DSCAML1: variants seen among roughly 807,000 people sequenced by gnomAD.
The protein encoded by DSCAML1 is DS cell adhesion molecule like 1, also known as cell adhesion molecule DSCAML1.
In DSCAML1, 38 loss-of-function variants were observed where a neutral mutation model predicts 200.5. That is an observed-to-expected ratio of 0.19 (90% CI 0.15 to 0.25). The LOEUF (loss-of-function observed/expected upper bound fraction) is 0.25. Ranked by LOEUF, DSCAML1 falls within the 10% of genes least tolerant of loss-of-function variation. DSCAML1 has a pLI of 1.00. For missense variants in DSCAML1, 2,223 were observed against 2,858.8 expected, an observed-to-expected ratio of 0.78 and a Z score of 5.07; for synonymous variants, 1,215 against 1,165.0, an observed-to-expected ratio of 1.04 and a Z score of -0.87.
At chr11:117,461,319 TGGA>T (rs1328284767) in intron 18 of DSCAML1, 128 bp downstream of exon 18, 2 of 1,318,662 alleles carry the variant, frequency 1.5e-6, no homozygotes, top group African/African-American at 2.9e-5. Flanking sequence ...TCTCCCCGTG[TGGA>T]GAAGAGGGGG....
At chr11:117,475,622 A>T (rs80343155) in intron 14 of DSCAML1, among the ~76,000 whole-genome samples, 2 of 152,094 alleles carry the variant, frequency 1.3e-5, no homozygotes, top group African/African-American at 2.4e-5. Context: ...GGGCACTTAA[A>T]ATGTGCTGTT....
chr11:117,733,121 G>C (rs2054253884), intron 3 of DSCAML1, among the ~76,000 whole-genome samples: 1 of 141,146 alleles, frequency 7.1e-6, no homozygotes, highest in Admixed American at 7.5e-5. Context: ...GCAGAGGCAG[G>C]GAGGAGCATC....
At position 117,681,588 on chromosome 11, in the gene DSCAML1, T is replaced by G. The variant is rs115404368; in HGVS notation, c.511+95203A>C. 1.3e-3 allele frequency among the ~76,000 whole-genome samples: 193 copies of G among 152,332 alleles called. 2 individuals carry two copies. Among genetic ancestry groups the G allele is most frequent in the African/African-American group, 4.5e-3 (185 of 41,572 alleles). ...CTCCAGGGCTTTATTGAATTTCCAT[T>G]TTTAATTTGCAGAGTAGAGATGGCT... is the stretch of plus-strand genomic sequence containing the variant. On this transcript the variant is annotated intron_variant, in intron 3 of 32. Coordinates refer to ENST00000651296, the MANE Select transcript of DSCAML1 (RefSeq NM_020693.4).
chr11:117,562,834 T>A (rs1031333259), intron 3 of DSCAML1, among the ~76,000 whole-genome samples: 1 of 152,168 alleles, frequency 6.6e-6, no homozygotes, highest in African/African-American at 2.4e-5. Flanking sequence ...CGGGTTCAAG[T>A]GGTTCTCCTG....
chr11:117,432,741 A>C (rs145727700), intron 29 of DSCAML1, among the ~76,000 whole-genome samples: 22 of 149,770 alleles, frequency 1.5e-4, no homozygotes, highest in African/African-American at 5.4e-4. Flanking sequence ...CCTTCTGAGT[A>C]GTTGAGACTA....
At chr11:117,762,647 G>T (rs2054823445) in intron 3 of DSCAML1, among the ~76,000 whole-genome samples, 1 of 152,132 alleles carries the variant, frequency 6.6e-6, no homozygotes. Flanking sequence ...TGGATCACTT[G>T]AGGTCAGGAG....
At chr11:117,583,983 T>TG (rs531605375) in intron 3 of DSCAML1, among the ~76,000 whole-genome samples, 2 of 152,344 alleles carry the variant, frequency 1.3e-5, no homozygotes, top group African/African-American at 4.8e-5. Flanking sequence ...CTGGTACCCC[T>TG]GTACACGGCC....
chr11:117,499,144 TC>T (rs1236352958), intron 11 of DSCAML1, among the ~76,000 whole-genome samples: 2 of 152,220 alleles, frequency 1.3e-5, no homozygotes, highest in Non-Finnish European at 2.9e-5. Context: ...CTTTATTTTT[TC>T]CCCATGTGTC....
intron 3 of DSCAML1, among the ~76,000 whole-genome samples, chr11:117,650,692 TGTGTGTGTGC>T (rs1367453232): frequency 7.0e-6 from 1 of 141,914 alleles, no homozygotes; most frequent in South Asian, 2.3e-4. Flanking sequence ...TGTGTGTGTG[TGTGTGTGTGC>T]GTGTGTGTGT....
Position 117,461,481 on chromosome 11 carries a change from C to T in DSCAML1, c.3381G>A (p.Arg1127=), listed in dbSNP as rs2048481850. The change falls in exon 18 of 33, where the codon CGG becomes CGA. Residue 1127 remains arginine (R), a synonymous_variant. Transcript: ENST00000651296. ...STLNGVLKGY[R]VIFWSLYVDG... ...CAACATAGAGGGACCAGAAGATGACCCGATAGCCTTTGAGGACGCCATTGA... is the reference window on the plus strand; with the variant it reads ...CAACATAGAGGGACCAGAAGATGACTCGATAGCCTTTGAGGACGCCATTGA... 6.2e-7 allele frequency: 1 copy of T among 1,614,190 alleles called. No homozygotes were observed. Among genetic ancestry groups the T allele is most frequent in the African/African-American group, 1.3e-5 (1 of 75,042 alleles).
chr11:117,475,843 G>A (rs76157842), intron 14 of DSCAML1, among the ~76,000 whole-genome samples: 1,973 of 152,070 alleles, frequency 0.013, 33 homozygotes, highest in East Asian at 0.065. Flanking sequence ...TTGACCTTGT[G>A]TTCCCAAACC....
chr11:117,604,256 CA>C (rs1289189606), intron 3 of DSCAML1, among the ~76,000 whole-genome samples: 5 of 152,198 alleles, frequency 3.3e-5, no homozygotes, highest in Admixed American at 6.5e-5. Flanking sequence ...TTTGATGGAC[CA>C]GGGGGTAGAG....
chr11:117,608,685 T>C (rs890550872), intron 3 of DSCAML1, among the ~76,000 whole-genome samples: 1 of 152,246 alleles, frequency 6.6e-6, no homozygotes, highest in Non-Finnish European at 1.5e-5. Context: ...TTCACTAGCA[T>C]AAGTCTTCAT....
At chr11:117,695,434 G>T (rs181907464) in intron 3 of DSCAML1, among the ~76,000 whole-genome samples, 11 of 151,462 alleles carry the variant, frequency 7.3e-5, no homozygotes, top group Admixed American at 7.2e-4. Flanking sequence ...TGTATGTTGG[G>T]TCACCAGTGT....
chr11:117,556,527 T>C (rs2137403879), intron 3 of DSCAML1, among the ~76,000 whole-genome samples: 2 of 91,290 alleles, frequency 2.2e-5, no homozygotes, highest in African/African-American at 8.6e-5. Context: ...TCCAGTTAAT[T>C]TCTCTCACCC....
chr11:117,722,700 T>C (rs904343525), intron 3 of DSCAML1, among the ~76,000 whole-genome samples: 1 of 150,868 alleles, frequency 6.6e-6, no homozygotes, highest in African/African-American at 2.5e-5. Flanking sequence ...AATAAACAGA[T>C]AGAAGCATGG....
chr11:117,515,534 G>T (rs956025691), intron 8 of DSCAML1, among the ~76,000 whole-genome samples: 1 of 149,958 alleles, frequency 6.7e-6, no homozygotes, highest in Non-Finnish European at 1.5e-5. Context: ...CACAGACTTA[G>T]TGAGCGGCTA....
chr11:117,463,061 C>T lies in DSCAML1; in HGVS notation c.3266-1465G>A, dbSNP rs1299303695. Among the ~76,000 whole-genome samples the T allele has an allele frequency of 2.0e-5, 3 of 152,200 alleles. No homozygotes were observed. The highest frequency in any genetic ancestry group is 2.9e-5 in the Non-Finnish European group (2 of 68,040). On this transcript the variant is annotated intron_variant, in intron 17 of 32. Transcript: ENST00000651296. This position sits in a 1 kb window ranked among gnomAD's most constrained non-coding sequence, Gnocchi z 4.0. ...AGCGTTAGGTGGGGCAGGCTGGCCT[C>T]GGCTCAGCACGACTGTTCCCTGGAC...
intron 3 of DSCAML1, among the ~76,000 whole-genome samples, chr11:117,761,126 C>T (rs2054793687): frequency 6.6e-6 from 1 of 152,110 alleles, no homozygotes; most frequent in African/African-American, 2.4e-5. Context: ...CACAGCCCAC[C>T]GAGGAGTACT....
Sources: gnomAD v4.1 joint callset for allele counts (sites outside exome capture counted in the v4.1 genomes callset) on GRCh38, gnomAD v4.1.1 for gene constraint, Gnocchi (gnomAD v3.1) non-coding constraint, MANE v1.5 for transcripts, NCBI Gene and HGNC (gene_info 2026-07-23, HGNC 2026-07-21) for gene names.